The following ANKRD13C variants were observed in gnomAD, a reference collection of about 807,000 sequenced individuals.
The protein encoded by ANKRD13C is ankyrin repeat domain 13C, also known as ankyrin repeat domain-containing protein 13C.
In ANKRD13C, 16 loss-of-function variants were observed where a neutral mutation model predicts 65.5. The observed-to-expected ratio is 0.24, with a 90% CI of 0.17 to 0.37. The LOEUF is 0.37. ANKRD13C is among the 10% of genes least tolerant of loss of function. ANKRD13C has a pLI of 1.00. For synonymous variants in ANKRD13C, 235 were observed against 238.7 expected, an observed-to-expected ratio of 0.98 and a Z score of 0.14; for missense variants, 503 against 655.9, an observed-to-expected ratio of 0.77 and a Z score of 2.55.
chr1:70,325,793 C>T (rs1485212462), intron 2 of ANKRD13C, among the ~76,000 whole-genome samples: 2 of 152,134 alleles, frequency 1.3e-5, no homozygotes, highest in Admixed American at 6.6e-5. Context: ...GCAGGAGAAT[C>T]GCTTGAACCC....
At chr1:70,326,872 GA>G (rs367782768) in intron 2 of ANKRD13C, among the ~76,000 whole-genome samples, 9 of 145,244 alleles carry the variant, frequency 6.2e-5, no homozygotes, top group East Asian at 2.0e-4. Context: ...ATAACACATT[GA>G]AAAAAAAAAC....
chr1:70,320,377 A>G (rs1399464524), intron 3 of ANKRD13C, among the ~76,000 whole-genome samples: 1 of 151,738 alleles, frequency 6.6e-6, no homozygotes, highest in Non-Finnish European at 1.5e-5. Context: ...CCCAGGCTCC[A>G]GGCTGGAGTG....
intron 9 of ANKRD13C, among the ~76,000 whole-genome samples, chr1:70,281,533 G>T (rs1485493196): frequency 6.6e-6 from 1 of 151,072 alleles, no homozygotes; most frequent in Non-Finnish European, 1.5e-5. Flanking sequence ...CTCCTGAGGA[G>T]CTGGGACTAC....
At chr1:70,262,891 A>G in intron 12 of ANKRD13C, 44 bp from the exon 13 acceptor site, 1 of 1,559,000 alleles carries the variant, frequency 6.4e-7, no homozygotes. Context: ...ATCAAATGTT[A>G]ATATTCATAG....
At chr1:70,312,682 A>G in intron 5 of ANKRD13C, among the ~76,000 whole-genome samples, 1 of 151,948 alleles carries the variant, frequency 6.6e-6, no homozygotes, top group East Asian at 1.9e-4. Context: ...AAAAAAAAAA[A>G]TTAATTTAGA....
chr1:70,340,907 T>C (rs1558312909), intron 1 of ANKRD13C, among the ~76,000 whole-genome samples: 2 of 152,158 alleles, frequency 1.3e-5, no homozygotes, highest in Non-Finnish European at 2.9e-5. Flanking sequence ...GCTCAGGAGC[T>C]TGAGACCAGC....
chr1:70,326,459 GAAAT>G (rs1392028426), intron 2 of ANKRD13C, among the ~76,000 whole-genome samples: 1 of 152,054 alleles, frequency 6.6e-6, no homozygotes, highest in Non-Finnish European at 1.5e-5. Context: ...TGCTTTAAAA[GAAAT>G]AAGAGTGTTA....
intron 3 of ANKRD13C, among the ~76,000 whole-genome samples, chr1:70,322,598 T>C (rs1681357601): frequency 6.6e-6 from 1 of 152,184 alleles, no homozygotes; most frequent in Non-Finnish European, 1.5e-5. Context: ...TTCCCAATAA[T>C]TATGAATTCT....
At chr1:70,293,174 G>A (rs1321418947) in intron 8 of ANKRD13C, among the ~76,000 whole-genome samples, 2 of 151,538 alleles carry the variant, frequency 1.3e-5, no homozygotes, top group Non-Finnish European at 2.9e-5. Context: ...TGGTGTAAAG[G>A]ACATCAAAAA....
At chr1:70,316,596 G>A (rs563003904) in intron 3 of ANKRD13C, among the ~76,000 whole-genome samples, 1 of 152,106 alleles carries the variant, frequency 6.6e-6, no homozygotes, top group South Asian at 2.1e-4. Context: ...GCTGAGACAG[G>A]AGGACTGGTT....
rs551617619 is a variant in ANKRD13C, at chr1:70,260,374, T to C, written c.*2343A>G. ...AGAATATTAACCATTTCTAAATGGC[T>C]ATTGAAGATGACTATACGATTGTCC... On this transcript the variant is annotated 3_prime_UTR_variant, in exon 13 of 13. Coordinates refer to ENST00000370944, the MANE Select transcript of ANKRD13C (RefSeq NM_030816.5). 4.1e-4 allele frequency among the ~76,000 whole-genome samples: 62 copies of C among 152,304 alleles called. No individual in the cohort carries two copies. Among genetic ancestry groups the C allele is most frequent in the African/African-American group, 1.5e-3 (61 of 41,582 alleles).
intron 9 of ANKRD13C, among the ~76,000 whole-genome samples, chr1:70,290,661 C>G (rs1228768075): frequency 6.6e-6 from 1 of 151,968 alleles, no homozygotes; most frequent in Admixed American, 6.6e-5. Context: ...CCTGCCTCAG[C>G]CTCCCAAGTA....
At chr1:70,331,423 T>C (rs1174320090) in intron 2 of ANKRD13C, among the ~76,000 whole-genome samples, 2 of 151,054 alleles carry the variant, frequency 1.3e-5, no homozygotes, top group Admixed American at 6.6e-5. Flanking sequence ...TAGCCGGGCA[T>C]GGTAACACAC....
intron 3 of ANKRD13C, among the ~76,000 whole-genome samples, chr1:70,323,725 ATTT>A (rs761316959): frequency 7.1e-6 from 1 of 141,258 alleles, no homozygotes; most frequent in African/African-American, 2.6e-5. Context: ...CAGCTAAATA[ATTT>A]TTTTTTTTTT....
chr1:70,313,169 TA>T (rs1215131717), intron 5 of ANKRD13C, among the ~76,000 whole-genome samples: 3 of 152,214 alleles, frequency 2.0e-5, no homozygotes, highest in African/African-American at 7.2e-5. Flanking sequence ...ATTCTATTAT[TA>T]AATTTTAAAT....
chr1:70,260,149 C>T lies in ANKRD13C; in HGVS notation c.*2568G>A, dbSNP rs1678339495. ...TTTTTCATCTACTAACATGTATCAG[C>T]AGACAGATGTGACAGTTTCCAAACC... On this transcript the variant is annotated 3_prime_UTR_variant, in exon 13 of 13. Transcript: ENST00000370944. Among the ~76,000 whole-genome samples, 3 of 152,102 alleles carry T rather than the reference C, an allele frequency of 2.0e-5. No individual in the cohort carries two copies. In the South Asian group the frequency reaches 6.2e-4, roughly 32 times the overall value.
chr1:70,346,511 C>G (rs974593535), intron 1 of ANKRD13C, among the ~76,000 whole-genome samples: 3 of 152,080 alleles, frequency 2.0e-5, no homozygotes, highest in Non-Finnish European at 2.9e-5. Context: ...TGTGCACCCC[C>G]TAACTATAGA....
intron 9 of ANKRD13C, among the ~76,000 whole-genome samples, chr1:70,287,658 G>C (rs1278545725): frequency 6.6e-6 from 1 of 152,034 alleles, no homozygotes; most frequent in Non-Finnish European, 1.5e-5. Context: ...GCTGTGGAGT[G>C]AGAGGAAATA....
chr1:70,270,486 A>C (rs1461105796), intron 12 of ANKRD13C, among the ~76,000 whole-genome samples: 3 of 152,184 alleles, frequency 2.0e-5, no homozygotes, highest in Non-Finnish European at 2.9e-5. Context: ...TGTTTCGTGA[A>C]AGATAATTTT....
Sources: gnomAD v4.1 joint callset for allele counts (sites outside exome capture counted in the v4.1 genomes callset) on GRCh38, gnomAD v4.1.1 for gene constraint, MANE v1.5 for transcripts, NCBI Gene and HGNC (gene_info 2026-07-23, HGNC 2026-07-21) for gene names.